SGCZ: variants seen among roughly 807,000 people sequenced by gnomAD.
SGCZ encodes the protein sarcoglycan zeta.
SGCZ carries 40 observed loss-of-function variants against 41.3 expected under a neutral mutation model. That is an observed-to-expected ratio of 0.97 (90% CI 0.75 to 1.26). SGCZ has a LOEUF of 1.26. Among genes scored for constraint, SGCZ ranks in the 50% most tolerant of loss-of-function variants. The pLI is 0.00. For missense variants in SGCZ, 552 were observed against 369.8 expected (o/e 1.49, Z -4.04); for synonymous variants, 206 against 137.5 (o/e 1.50, Z -3.49).
chr8:14,590,223 C>T (rs114907618), intron 1 of SGCZ, among the ~76,000 whole-genome samples: 3,177 of 151,856 alleles, frequency 0.021, 115 homozygotes, highest in African/African-American at 0.072. Flanking sequence ...TCTACTAGGA[C>T]AGAGGATATG....
intron 1 of SGCZ, among the ~76,000 whole-genome samples, chr8:14,624,497 A>G (rs1014755166): frequency 2.0e-5 from 3 of 151,148 alleles, no homozygotes; most frequent in African/African-American, 7.3e-5. Flanking sequence ...ATGCATGTCC[A>G]TAAGAGCAAA....
chr8:14,176,660 C>A (rs964774279), intron 4 of SGCZ, among the ~76,000 whole-genome samples: 1 of 152,184 alleles, frequency 6.6e-6, no homozygotes, highest in African/African-American at 2.4e-5. Context: ...CCAGGTTACT[C>A]AAGGGCATAT....
At chr8:14,452,698 A>C (rs1800629384) in intron 2 of SGCZ, among the ~76,000 whole-genome samples, 1 of 152,128 alleles carries the variant, frequency 6.6e-6, no homozygotes, top group East Asian at 1.9e-4. Flanking sequence ...GCCGGGAGAT[A>C]GGGTGTATAT....
intron 5 of SGCZ, among the ~76,000 whole-genome samples, chr8:14,153,281 A>T (rs1266098593): frequency 6.6e-6 from 1 of 152,096 alleles, no homozygotes; most frequent in East Asian, 1.9e-4. Context: ...TCCCCCATAA[A>T]CTCAGGATTT....
intron 1 of SGCZ, among the ~76,000 whole-genome samples, chr8:15,071,387 G>A (rs1216799412): frequency 1.7e-4 from 26 of 152,098 alleles, no homozygotes; most frequent in Admixed American, 1.7e-3. Flanking sequence ...AAAGGAGCAA[G>A]ACTGGACTTT....
chr8:14,115,027 T>G (rs1296918640), intron 5 of SGCZ, among the ~76,000 whole-genome samples: 1 of 151,960 alleles, frequency 6.6e-6, no homozygotes, highest in Non-Finnish European at 1.5e-5. Flanking sequence ...AATAATCCAT[T>G]TTCTAATTCC....
chr8:14,798,244 G>A (rs144056992), intron 1 of SGCZ, among the ~76,000 whole-genome samples: 1 of 152,152 alleles, frequency 6.6e-6, no homozygotes, highest in African/African-American at 2.4e-5. Context: ...AATGAGGAAA[G>A]TATAGAAATC....
At chr8:15,016,586 T>C (rs1803043641) in intron 1 of SGCZ, among the ~76,000 whole-genome samples, 1 of 152,206 alleles carries the variant, frequency 6.6e-6, no homozygotes, top group African/African-American at 2.4e-5. Flanking sequence ...TCCCAGTCTC[T>C]CTGGGCTCTA....
chr8:15,127,232 GCA>G (rs892939125), intron 1 of SGCZ, among the ~76,000 whole-genome samples: 10 of 69,768 alleles, frequency 1.4e-4, no homozygotes, highest in African/African-American at 3.3e-4. Context: ...ACATCTATAG[GCA>G]CACACACACA....
intron 1 of SGCZ, among the ~76,000 whole-genome samples, chr8:14,774,899 G>A (rs1456573635): frequency 1.3e-5 from 2 of 151,994 alleles, no homozygotes; most frequent in Admixed American, 1.3e-4. Context: ...CTTACATGTA[G>A]GTACTGGCTA....
intron 2 of SGCZ, among the ~76,000 whole-genome samples, chr8:14,522,805 T>C (rs191148710): frequency 1.3e-5 from 2 of 151,964 alleles, no homozygotes; most frequent in African/African-American, 4.8e-5. Flanking sequence ...AATCCTGAGA[T>C]AGGAGCTGAA....
At chr8:15,090,933 A>G (rs537683571) in intron 1 of SGCZ, among the ~76,000 whole-genome samples, 24 of 152,316 alleles carry the variant, frequency 1.6e-4, no homozygotes, top group African/African-American at 5.3e-4. Context: ...GAGGGTGACA[A>G]GTGACCTGGA....
chr8:14,281,426 T>C lies in SGCZ; in HGVS notation c.336+42677A>G, dbSNP rs78204756. ...CATGTCATTCTAATTTTAAGCAATA[T>C]TTGTATCCACTAAGGTAGTGATTCT... is the stretch of plus-strand genomic sequence containing the variant. On this transcript the variant is annotated intron_variant, in intron 3 of 7. Coordinates refer to ENST00000382080, the MANE Select transcript of SGCZ (RefSeq NM_139167.4). Among the ~76,000 whole-genome samples, 29 of 150,992 alleles carry C rather than the reference T, an allele frequency of 1.9e-4. No individual in the cohort carries two copies. The East Asian group carries it at 5.1e-3, about 27-fold the overall frequency.
intron 1 of SGCZ, among the ~76,000 whole-genome samples, chr8:15,152,506 C>G (rs1274361597): frequency 6.6e-6 from 1 of 152,128 alleles, no homozygotes; most frequent in Non-Finnish European, 1.5e-5. Context: ...CTTGCAAGCT[C>G]CAAACTACAG....
chr8:14,963,910 AT>A (rs936136890), intron 1 of SGCZ, among the ~76,000 whole-genome samples: 1 of 152,026 alleles, frequency 6.6e-6, no homozygotes, highest in Non-Finnish European at 1.5e-5. Context: ...TTCACCTATG[AT>A]TTTTTTATCC....
chr8:14,722,313 T>C (rs1346460092), intron 1 of SGCZ, among the ~76,000 whole-genome samples: 1 of 152,176 alleles, frequency 6.6e-6, no homozygotes, highest in African/African-American at 2.4e-5. Context: ...AGAATGAAAG[T>C]ATTGTCTTCG....
At chr8:15,235,670 A>G (rs1802096582) in intron 1 of SGCZ, among the ~76,000 whole-genome samples, 1 of 152,198 alleles carries the variant, frequency 6.6e-6, no homozygotes, top group African/African-American at 2.4e-5. Flanking sequence ...GCTGATTTAA[A>G]CAACAATGTA....
At chr8:14,240,327 C>CAAAAAAAAAAAAA (rs59351247) in intron 3 of SGCZ, among the ~76,000 whole-genome samples, 9 of 115,210 alleles carry the variant, frequency 7.8e-5, no homozygotes, top group African/African-American at 1.9e-4. Flanking sequence ...AACTCTGTGT[C>CAAAAAAAAAAAAA]AAAAAAAAAA....
rs1278862140 is a variant in SGCZ, at chr8:14,127,194, C to T, written c.548-18959G>A. Among the ~76,000 whole-genome samples, 4 of 152,112 alleles carry T rather than the reference C, an allele frequency of 2.6e-5. No homozygotes were observed. In the East Asian group the frequency reaches 7.7e-4, roughly 29 times the overall value. ...AAAATAAATAAATAAATAAATGAGG[C>T]TGAATTATTATTGTCAGTGAGAAAG... On this transcript the variant is annotated intron_variant, in intron 5 of 7. Coordinates refer to ENST00000382080, the MANE Select transcript of SGCZ (RefSeq NM_139167.4).
Sources: gnomAD v4.1 joint callset for allele counts (sites outside exome capture counted in the v4.1 genomes callset) on GRCh38, gnomAD v4.1.1 for gene constraint, MANE v1.5 for transcripts, NCBI Gene and HGNC (gene_info 2026-07-23, HGNC 2026-07-21) for gene names.